The following NRXN3 variants were observed in gnomAD, a reference collection of about 807,000 sequenced individuals.
NRXN3 encodes the protein neurexin 3.
A neutral mutation model predicts 137.6 loss-of-function variants in NRXN3; 32 were observed. The observed-to-expected ratio is 0.23, with a 90% CI of 0.18 to 0.31. The LOEUF (loss-of-function observed/expected upper bound fraction) is 0.31, where lower values mean the gene tolerates loss of function less well. NRXN3 is among the 10% of genes least tolerant of loss of function. The probability of loss-of-function intolerance (pLI) is 1.00; values close to 1 mark genes in which losing one functional copy is unlikely to be tolerated. For synonymous variants in NRXN3, 798 were observed against 784.5 expected (o/e 1.02, Z -0.29); for missense variants, 1,574 against 2,062.5 (o/e 0.76, Z 4.59).
intron 8 of NRXN3, among the ~76,000 whole-genome samples, chr14:78,793,543 G>A (rs1285322608): frequency 6.6e-6 from 1 of 152,130 alleles, no homozygotes; most frequent in Non-Finnish European, 1.5e-5. Flanking sequence ...AGGAAACCAG[G>A]CACAGGTTTC....
chr14:79,695,542 T>C (rs373433311), intron 18 of NRXN3, among the ~76,000 whole-genome samples: 2 of 151,820 alleles, frequency 1.3e-5, no homozygotes, highest in African/African-American at 2.4e-5. Flanking sequence ...TAATTCATTA[T>C]GTTAAGCTGC....
At chr14:79,756,367 T>G (rs867678802) in intron 19 of NRXN3, among the ~76,000 whole-genome samples, 1 of 152,326 alleles carries the variant, frequency 6.6e-6, no homozygotes, top group East Asian at 1.9e-4. Context: ...TAAAAAGTTT[T>G]TCTTTTCTAG....
At chr14:79,489,399 A>T (rs1361592404) in intron 16 of NRXN3, among the ~76,000 whole-genome samples, 1 of 152,128 alleles carries the variant, frequency 6.6e-6, no homozygotes, top group East Asian at 1.9e-4. Context: ...TGGCACACCA[A>T]TCCAGTCGGG....
intron 15 of NRXN3, among the ~76,000 whole-genome samples, chr14:79,176,104 C>A (rs61992556): frequency 6.6e-6 from 1 of 152,110 alleles, no homozygotes; most frequent in African/African-American, 2.4e-5. Context: ...GGCTTTGTGC[C>A]TATTAATACT....
chr14:79,272,558 GAAGA>G (rs2079516951), intron 15 of NRXN3, among the ~76,000 whole-genome samples: 1 of 152,094 alleles, frequency 6.6e-6, no homozygotes, highest in Non-Finnish European at 1.5e-5. Context: ...TTATTCTAGA[GAAGA>G]AAGAGAGAAA....
At chr14:78,223,990 A>G (rs2064166271) in intron 1 of NRXN3, among the ~76,000 whole-genome samples, 1 of 152,006 alleles carries the variant, frequency 6.6e-6, no homozygotes, top group Non-Finnish European at 1.5e-5. Flanking sequence ...CCCCTCTCCT[A>G]TCTACCCTGG....
chr14:79,501,744 G>C (rs1353286916), intron 16 of NRXN3, among the ~76,000 whole-genome samples: 1 of 108,540 alleles, frequency 9.2e-6, no homozygotes, highest in East Asian at 2.3e-4. Flanking sequence ...TTTCCCTCTA[G>C]GAAAAAAAAA....
chr14:78,874,854 A>G (rs2099110053), intron 10 of NRXN3, among the ~76,000 whole-genome samples: 1 of 152,206 alleles, frequency 6.6e-6, no homozygotes, highest in Non-Finnish European at 1.5e-5. Flanking sequence ...CAGGCGAATA[A>G]TGCAAGAAGA....
chr14:78,546,786 C>G (rs1190266956), intron 4 of NRXN3, among the ~76,000 whole-genome samples: 7 of 152,286 alleles, frequency 4.6e-5, no homozygotes. Flanking sequence ...CATATTGCAT[C>G]GCTGACTTGG....
intron 15 of NRXN3, among the ~76,000 whole-genome samples, chr14:79,434,364 A>G (rs1157224956): frequency 6.6e-6 from 1 of 152,184 alleles, no homozygotes. Flanking sequence ...AGCTGAAGTC[A>G]AAGAAGCTTA....
intron 4 of NRXN3, among the ~76,000 whole-genome samples, chr14:78,632,455 A>G (rs927511362): frequency 1.3e-5 from 2 of 152,134 alleles, no homozygotes; most frequent in Non-Finnish European, 2.9e-5. Context: ...CCACAGGCAT[A>G]TTATTGACAG....
At chr14:79,425,157 G>A (rs7157835) in intron 15 of NRXN3, among the ~76,000 whole-genome samples, 15 of 152,078 alleles carry the variant, frequency 9.9e-5, no homozygotes, top group African/African-American at 3.1e-4. Flanking sequence ...CCCTATGATC[G>A]ATTGCTATAA....
At chr14:79,125,646 G>A (rs1429342994) in intron 15 of NRXN3, among the ~76,000 whole-genome samples, 11 of 152,132 alleles carry the variant, frequency 7.2e-5, no homozygotes, top group Admixed American at 7.2e-4. Flanking sequence ...CAACAAGATT[G>A]TCATCAGCAC....
intron 15 of NRXN3, among the ~76,000 whole-genome samples, chr14:79,101,013 G>GC: frequency 6.6e-6 from 1 of 152,074 alleles, no homozygotes; most frequent in Non-Finnish European, 1.5e-5. Context: ...TCTTTACTTT[G>GC]TTTTTTTCCT....
At chr14:78,988,840 A>G (rs1392172584) in intron 15 of NRXN3, among the ~76,000 whole-genome samples, 1 of 152,022 alleles carries the variant, frequency 6.6e-6, no homozygotes, top group Non-Finnish European at 1.5e-5. Context: ...ATATGTATAT[A>G]TTATGTATTT....
At chr14:79,365,713 G>A (rs537161173) in intron 15 of NRXN3, among the ~76,000 whole-genome samples, 268 of 69,232 alleles carry the variant, frequency 3.9e-3, no homozygotes, top group Non-Finnish European at 5.7e-3. Context: ...GCGACAGAGC[G>A]AGACTCTGTC....
intron 15 of NRXN3, among the ~76,000 whole-genome samples, chr14:79,257,397 G>A (rs1031134639): frequency 1.8e-4 from 16 of 87,358 alleles, no homozygotes; most frequent in African/African-American, 4.5e-4. Flanking sequence ...GATGGTGGTG[G>A]TGGTGGTGGT....
At chr14:78,778,443 T>C (rs1182124315) in intron 8 of NRXN3, among the ~76,000 whole-genome samples, 1 of 152,224 alleles carries the variant, frequency 6.6e-6, no homozygotes, top group Non-Finnish European at 1.5e-5. Context: ...CAATTATTGG[T>C]CAGATGCACA....
chr14:78,398,258 A>G (rs897491683), intron 4 of NRXN3, among the ~76,000 whole-genome samples: 3 of 150,802 alleles, frequency 2.0e-5, no homozygotes, highest in Admixed American at 2.0e-4. Context: ...TAACATTTCC[A>G]TCATTTTACT....
Sources: gnomAD v4.1 joint callset for allele counts (sites outside exome capture counted in the v4.1 genomes callset) on GRCh38, gnomAD v4.1.1 for gene constraint, MANE v1.5 for transcripts, NCBI Gene and HGNC (gene_info 2026-07-23, HGNC 2026-07-21) for gene names.